POU6F2: variants seen among roughly 807,000 people sequenced by gnomAD.
POU6F2 encodes the protein POU class 6 homeobox 2.
Under a neutral mutation model 71.3 loss-of-function variants are expected in POU6F2, and 31 were observed. The ratio of observed to expected loss-of-function variants is 0.43; its 90% CI spans 0.33 to 0.59. The LOEUF (loss-of-function observed/expected upper bound fraction) is 0.59. Among genes scored for constraint, POU6F2 ranks in the 20% least tolerant of loss-of-function variants. The pLI is 0.04. For missense variants in POU6F2, 783 were observed against 856.8 expected, an observed-to-expected ratio of 0.91 and a Z score of 1.07; for synonymous variants, 347 against 355.7, an observed-to-expected ratio of 0.98 and a Z score of 0.27.
intron 1 of POU6F2, among the ~76,000 whole-genome samples, chr7:38,997,264 G>T (rs17176480): frequency 0.27 from 41,731 of 151,968 alleles, 6,175 homozygotes; most frequent in South Asian, 0.45. Context: ...GCCCCATCCT[G>T]TCTTTTCCTG....
intron 2 of POU6F2, among the ~76,000 whole-genome samples, chr7:39,142,698 G>A (rs1792529032): frequency 6.6e-6 from 1 of 152,076 alleles, no homozygotes. Context: ...AAAGAACTTA[G>A]TATTTGTTAA....
At chr7:39,273,467 T>C (rs1317819037) in intron 4 of POU6F2, among the ~76,000 whole-genome samples, 1 of 152,168 alleles carries the variant, frequency 6.6e-6, no homozygotes, top group Non-Finnish European at 1.5e-5. Flanking sequence ...AAAACTTAGA[T>C]GGAGGGGCAT....
chr7:39,159,729 G>A (rs556812306), intron 2 of POU6F2, among the ~76,000 whole-genome samples: 3 of 152,114 alleles, frequency 2.0e-5, no homozygotes, highest in East Asian at 3.9e-4. Context: ...AAAGAGGGTA[G>A]GAAGGAAAAG....
At position 39,397,577 on chromosome 7, in the gene POU6F2, T is replaced by TC. The variant is rs1326668590; in HGVS notation, c.973-9022dup. On this transcript the variant is annotated intron_variant, in intron 5 of 9. Transcript: ENST00000518318. ...GCGCAATCTGGACTTACTGCAACCT[T>TC]CGCCTCCCGGGCTCAAGTAATTCTC... Among the ~76,000 whole-genome samples, 3 of 146,940 alleles carry TC rather than the reference T, an allele frequency of 2.0e-5. No homozygotes were observed. The East Asian group carries it at 6.0e-4, about 29-fold the overall frequency.
At chr7:39,199,837 C>T (rs1051713590) in intron 2 of POU6F2, among the ~76,000 whole-genome samples, 9 of 152,192 alleles carry the variant, frequency 5.9e-5, no homozygotes, top group Admixed American at 4.6e-4. Context: ...ACCATCCAAA[C>T]TCCTAATCAG....
At chr7:39,329,845 G>A (rs1785601559) in intron 4 of POU6F2, among the ~76,000 whole-genome samples, 1 of 152,162 alleles carries the variant, frequency 6.6e-6, no homozygotes, top group Admixed American at 6.5e-5. Flanking sequence ...CAATTTAGGA[G>A]ACTTACTTTA....
intron 5 of POU6F2, among the ~76,000 whole-genome samples, chr7:39,386,418 C>T (rs779726128): frequency 6.6e-6 from 1 of 152,180 alleles, no homozygotes; most frequent in Non-Finnish European, 1.5e-5. Context: ...AGAGCTCCAC[C>T]GTTCTATTAT....
chr7:39,311,405 T>C (rs1441972078), intron 4 of POU6F2, among the ~76,000 whole-genome samples: 1 of 152,152 alleles, frequency 6.6e-6, no homozygotes, highest in Admixed American at 6.5e-5. Flanking sequence ...TGATCACCTT[T>C]TTACACATTA....
At chr7:39,339,520 G>T (rs1348369222) in intron 4 of POU6F2, 122 bp from the exon 5 acceptor site, 29 of 1,347,520 alleles carry the variant, frequency 2.2e-5, no homozygotes, top group Middle Eastern at 3.7e-4. Context: ...AAGAGCTTCA[G>T]GGGGCAAGGA....
intron 5 of POU6F2, among the ~76,000 whole-genome samples, chr7:39,384,394 C>T (rs896116881): frequency 6.6e-6 from 1 of 152,130 alleles, no homozygotes; most frequent in Non-Finnish European, 1.5e-5. Context: ...ACTCAAAGCA[C>T]GCTCTTATCA....
chr7:39,102,013 C>T (rs4723822), intron 2 of POU6F2, among the ~76,000 whole-genome samples: 40,355 of 151,986 alleles, frequency 0.27, 5,644 homozygotes, highest in East Asian at 0.56. Flanking sequence ...TTTTGGTCTT[C>T]TGATCCTCCA....
At chr7:39,311,295 A>G (rs182833300) in intron 4 of POU6F2, among the ~76,000 whole-genome samples, 1 of 150,478 alleles carries the variant, frequency 6.6e-6, no homozygotes, top group Non-Finnish European at 1.5e-5. Context: ...TAAAAAAAAA[A>G]ACAAACACCA....
intron 4 of POU6F2, among the ~76,000 whole-genome samples, chr7:39,264,635 A>G (rs4302751): frequency 0.31 from 47,183 of 152,052 alleles, 8,114 homozygotes; most frequent in East Asian, 0.45. Flanking sequence ...GTAAGCCTAT[A>G]CTCCTGGTGC....
intron 7 of POU6F2, among the ~76,000 whole-genome samples, chr7:39,435,070 TATAA>T (rs1197967904): frequency 6.6e-6 from 1 of 152,214 alleles, no homozygotes; most frequent in African/African-American, 2.4e-5. Flanking sequence ...TCTTTGCTAT[TATAA>T]ATAGTGCTGC....
chr7:39,148,031 A>G (rs1426822106), intron 2 of POU6F2, among the ~76,000 whole-genome samples: 2 of 152,216 alleles, frequency 1.3e-5, no homozygotes, highest in African/African-American at 4.8e-5. Context: ...ACCATGCCCT[A>G]TTTAATTACT....
At chr7:39,309,295 G>T (rs1275390459) in intron 4 of POU6F2, among the ~76,000 whole-genome samples, 3 of 152,232 alleles carry the variant, frequency 2.0e-5, no homozygotes, top group Non-Finnish European at 2.9e-5. Context: ...ACCTACCATT[G>T]TCACGCTGGG....
chr7:39,004,849 T>A (rs1437366877), intron 1 of POU6F2, among the ~76,000 whole-genome samples: 1 of 152,170 alleles, frequency 6.6e-6, no homozygotes, highest in Non-Finnish European at 1.5e-5. Context: ...GTTAATGTGA[T>A]GCCGCCCTGA....
chr7:39,158,883 C>T (rs896293212), intron 2 of POU6F2, among the ~76,000 whole-genome samples: 4 of 151,986 alleles, frequency 2.6e-5, no homozygotes, highest in African/African-American at 7.3e-5. Flanking sequence ...AAAAATTAAC[C>T]GTTGCAGGCT....
intron 4 of POU6F2, among the ~76,000 whole-genome samples, chr7:39,252,732 G>C (rs1481783865): frequency 1.3e-5 from 2 of 152,114 alleles, no homozygotes; most frequent in African/African-American, 4.8e-5. Flanking sequence ...TTTTCCCTCA[G>C]ATGGGCACAT....
Sources: allele counts gnomAD v4.1 joint callset (sites outside exome capture counted in the v4.1 genomes callset), GRCh38; gene constraint gnomAD v4.1.1; transcripts MANE v1.5; gene names NCBI Gene and HGNC (gene_info 2026-07-23, HGNC 2026-07-21).